Variants in LRRTM4 observed in about 807,000 individuals in gnomAD.
LRRTM4 encodes the protein leucine rich repeat transmembrane neuronal 4.
A neutral mutation model predicts 47.6 loss-of-function variants in LRRTM4; 25 were observed. The ratio of observed to expected loss-of-function variants is 0.53; its 90% CI spans 0.38 to 0.73. LRRTM4 has a LOEUF of 0.73. LRRTM4 is among the 30% of genes least tolerant of loss of function. The pLI, the probability that LRRTM4 is intolerant of heterozygous loss-of-function variation, is 0.00. For missense variants in LRRTM4, 638 were observed against 713.4 expected, an observed-to-expected ratio of 0.89 and a Z score of 1.20; for synonymous variants, 311 against 269.5, an observed-to-expected ratio of 1.15 and a Z score of -1.51.
chr2:77,274,110 G>A (rs1676275422), intron 3 of LRRTM4, among the ~76,000 whole-genome samples: 1 of 151,872 alleles, frequency 6.6e-6, no homozygotes, highest in South Asian at 2.1e-4. Flanking sequence ...ACTCTGTTAT[G>A]TATTGCTTTC....
intron 3 of LRRTM4, among the ~76,000 whole-genome samples, chr2:76,780,040 T>C (rs1263802135): frequency 6.6e-6 from 1 of 152,218 alleles, no homozygotes; most frequent in African/African-American, 2.4e-5. Context: ...TGGCTGGATA[T>C]GCAATTCTGG....
At chr2:77,104,240 C>G (rs191395647) in intron 3 of LRRTM4, among the ~76,000 whole-genome samples, 2 of 152,290 alleles carry the variant, frequency 1.3e-5, no homozygotes, top group Admixed American at 1.3e-4. Flanking sequence ...TCTTCCTCCA[C>G]CTCTGCCTCA....
chr2:76,806,799 A>T (rs1675990692), intron 3 of LRRTM4, among the ~76,000 whole-genome samples: 1 of 152,144 alleles, frequency 6.6e-6, no homozygotes, highest in Non-Finnish European at 1.5e-5. Flanking sequence ...TATGTATTAT[A>T]ATGACATATA....
At chr2:76,837,555 G>A (rs1357521806) in intron 3 of LRRTM4, among the ~76,000 whole-genome samples, 13 of 152,030 alleles carry the variant, frequency 8.6e-5, no homozygotes. Flanking sequence ...CTTTGAATGT[G>A]TCCCAGAGAT....
At chr2:77,441,670 G>A (rs1573419200) in intron 3 of LRRTM4, among the ~76,000 whole-genome samples, 2 of 152,064 alleles carry the variant, frequency 1.3e-5, no homozygotes, top group East Asian at 1.9e-4. Context: ...ATACATAGTT[G>A]ATATATAGAA....
intron 3 of LRRTM4, among the ~76,000 whole-genome samples, chr2:77,341,563 G>A (rs934087846): frequency 6.6e-6 from 1 of 151,988 alleles, no homozygotes; most frequent in Admixed American, 6.6e-5. Context: ...CTTGCTGCTG[G>A]CTATTGTGCC....
At chr2:76,996,417 T>C (rs1677204947) in intron 3 of LRRTM4, among the ~76,000 whole-genome samples, 1 of 152,092 alleles carries the variant, frequency 6.6e-6, no homozygotes, top group East Asian at 1.9e-4. Flanking sequence ...TCTTTTCAGG[T>C]TACCTGAACA....
intron 3 of LRRTM4, among the ~76,000 whole-genome samples, chr2:77,505,338 A>G (rs1177122115): frequency 1.3e-5 from 2 of 151,506 alleles, no homozygotes; most frequent in Non-Finnish European, 1.5e-5. Context: ...GTTAATTTTT[A>G]TAAATGAGAC....
At chr2:76,994,253 T>C (rs1399790728) in intron 3 of LRRTM4, among the ~76,000 whole-genome samples, 10 of 151,582 alleles carry the variant, frequency 6.6e-5, no homozygotes, top group Non-Finnish European at 1.3e-4. Flanking sequence ...ATGTATCCCC[T>C]TGAATCTAAA....
chr2:76,801,922 C>T (rs75103000), intron 3 of LRRTM4, among the ~76,000 whole-genome samples: 1 of 152,082 alleles, frequency 6.6e-6, no homozygotes, highest in Non-Finnish European at 1.5e-5. Flanking sequence ...AATTCAACAT[C>T]TTTTCATGGT....
chr2:77,385,584 T>C (rs993250632), intron 3 of LRRTM4, among the ~76,000 whole-genome samples: 2 of 152,134 alleles, frequency 1.3e-5, no homozygotes, highest in South Asian at 2.1e-4. Flanking sequence ...TAATTTCTGA[T>C]ATCCTTAAAA....
intron 3 of LRRTM4, among the ~76,000 whole-genome samples, chr2:77,136,787 T>C (rs1437849924): frequency 6.6e-6 from 1 of 151,400 alleles, no homozygotes; most frequent in Non-Finnish European, 1.5e-5. Context: ...TTAAATGACC[T>C]GAGGGAGCTG....
chr2:76,921,760 G>A (rs1674440167), intron 3 of LRRTM4, among the ~76,000 whole-genome samples: 1 of 151,920 alleles, frequency 6.6e-6, no homozygotes, highest in Non-Finnish European at 1.5e-5. Context: ...TTTTGTGGAT[G>A]TTCTTACTTT....
At chr2:77,521,452 T>C (rs1157255854) in intron 2 of LRRTM4, among the ~76,000 whole-genome samples, 1 of 151,106 alleles carries the variant, frequency 6.6e-6, no homozygotes, top group African/African-American at 2.4e-5. Context: ...AGAGTCTGTT[T>C]AAGTTCGTGT....
chr2:76,770,610 C>G (rs376109098), intron 3 of LRRTM4, among the ~76,000 whole-genome samples: 40 of 152,130 alleles, frequency 2.6e-4, no homozygotes, highest in African/African-American at 8.2e-4. Flanking sequence ...GTTTGGAGGT[C>G]ATTTTAATTC....
chr2:77,133,779 T>C (rs542701158), intron 3 of LRRTM4, among the ~76,000 whole-genome samples: 7 of 152,322 alleles, frequency 4.6e-5, no homozygotes, highest in Middle Eastern at 6.8e-3. Flanking sequence ...TATGACGCCA[T>C]TGAATGTCAC....
chr2:76,796,483 C>T (rs1198155121), intron 3 of LRRTM4, among the ~76,000 whole-genome samples: 3 of 133,056 alleles, frequency 2.3e-5, no homozygotes, highest in Non-Finnish European at 3.2e-5. Context: ...AATGGGCAGA[C>T]TGCCTCCTCA....
At chr2:77,413,125 C>A in intron 3 of LRRTM4, among the ~76,000 whole-genome samples, 1 of 152,142 alleles carries the variant, frequency 6.6e-6, no homozygotes, top group East Asian at 1.9e-4. Context: ...AACATTGACT[C>A]AACTATTGGT....
chr2:77,151,758 G>A (rs1672436432), intron 3 of LRRTM4, among the ~76,000 whole-genome samples: 1 of 151,640 alleles, frequency 6.6e-6, no homozygotes, highest in African/African-American at 2.4e-5. Context: ...GGCATTGTGT[G>A]TAAGTTTAGG....
Sources: gnomAD v4.1 joint callset for allele counts (sites outside exome capture counted in the v4.1 genomes callset) on GRCh38, gnomAD v4.1.1 for gene constraint, MANE v1.5 for transcripts, NCBI Gene and HGNC (gene_info 2026-07-23, HGNC 2026-07-21) for gene names.